EPHA7: variants seen among roughly 807,000 people sequenced by gnomAD.
EPHA7 encodes the protein ephrin type-A receptor 7.
Under a neutral mutation model 112.6 loss-of-function variants are expected in EPHA7, and 25 were observed. That is an observed-to-expected ratio of 0.22 (90% CI 0.16 to 0.31). The LOEUF (loss-of-function observed/expected upper bound fraction) is 0.31. Ranked by LOEUF, EPHA7 falls within the 10% of genes least tolerant of loss-of-function variation. EPHA7 has a pLI of 1.00. For synonymous variants in EPHA7, 437 were observed against 406.5 expected (o/e 1.07, Z -0.90); for missense variants, 962 against 1,212.6 (o/e 0.79, Z 3.07).
intron 5 of EPHA7, among the ~76,000 whole-genome samples, chr6:93,312,438 C>T (rs1314383388): frequency 2.0e-5 from 3 of 151,918 alleles, no homozygotes; most frequent in Non-Finnish European, 4.4e-5. Flanking sequence ...CCTACCCTTG[C>T]TAGCATCTAA....
intron 5 of EPHA7, among the ~76,000 whole-genome samples, chr6:93,347,215 A>G (rs1319704471): frequency 6.6e-6 from 1 of 151,916 alleles, no homozygotes; most frequent in Non-Finnish European, 1.5e-5. Context: ...AGAATTTGAC[A>G]AACTTACCCA....
At chr6:93,377,861 T>A (rs926692669) in intron 3 of EPHA7, among the ~76,000 whole-genome samples, 56 of 152,194 alleles carry the variant, frequency 3.7e-4, no homozygotes, top group African/African-American at 1.4e-3. Flanking sequence ...AGTCATTCGC[T>A]AATTCATTCA....
intron 3 of EPHA7, among the ~76,000 whole-genome samples, chr6:93,405,563 C>T (rs767954609): frequency 6.6e-6 from 1 of 151,026 alleles, no homozygotes; most frequent in Non-Finnish European, 1.5e-5. Context: ...TTGCTATGTC[C>T]CACATGCTAT....
In EPHA7 at chr6:93,282,576, G is replaced by A. The variant is rs1268837623; in HGVS notation, c.1325-10154C>T. Among the ~76,000 whole-genome samples the A allele has an allele frequency of 2.6e-5, 4 of 152,334 alleles. No individual in the cohort carries two copies. The East Asian group carries it at 5.8e-4, about 22-fold the overall frequency. On this transcript the variant is annotated intron_variant, in intron 5 of 16. Transcript: ENST00000369303. ...TTGAGGAGCCCTTCGACCTGCGGCT[G>A]CACTGTGGGAGCCCCTTTTTGGGCT... is the stretch of plus-strand genomic sequence containing the variant.
At chr6:93,359,634 T>C (rs1014913314) in intron 3 of EPHA7, among the ~76,000 whole-genome samples, 5 of 152,082 alleles carry the variant, frequency 3.3e-5, no homozygotes, top group Non-Finnish European at 5.9e-5. Flanking sequence ...CCTAAAGTAC[T>C]GAGATGTCAT....
intron 9 of EPHA7, 144 bp downstream of exon 9, chr6:93,263,716 T>C: frequency 2.0e-6 from 1 of 503,226 alleles, no homozygotes. Flanking sequence ...TCTAAACATC[T>C]GATTCAAATG....
At chr6:93,405,809 G>A (rs377518600) in intron 3 of EPHA7, among the ~76,000 whole-genome samples, 5,043 of 57,632 alleles carry the variant, frequency 0.088, 145 homozygotes, top group East Asian at 0.16. Context: ...GTGTGTGTGT[G>A]TGTGTATATA....
chr6:93,246,576 TA>T (rs1279609501), intron 15 of EPHA7, among the ~76,000 whole-genome samples: 1 of 152,160 alleles, frequency 6.6e-6, no homozygotes, highest in Non-Finnish European at 1.5e-5. Context: ...CTTGTAAGTT[TA>T]AAAAATGCAA....
intron 3 of EPHA7, among the ~76,000 whole-genome samples, chr6:93,360,947 T>C (rs1024343080): frequency 6.6e-6 from 1 of 152,080 alleles, no homozygotes; most frequent in African/African-American, 2.4e-5. Flanking sequence ...GGGCTTTAGC[T>C]ACCCTAAAAC....
chr6:93,270,626 T>C (rs1021007616), intron 6 of EPHA7, among the ~76,000 whole-genome samples: 2 of 151,654 alleles, frequency 1.3e-5, no homozygotes, highest in African/African-American at 2.4e-5. Context: ...AAATTCTTCA[T>C]TGAAATCTTA....
rs534618378 is a variant in EPHA7, at chr6:93,315,334, C to T, written c.1324+41383G>A. On this transcript the variant is annotated intron_variant, in intron 5 of 16. Transcript: ENST00000369303. Reference sequence around the variant, plus strand: ...AAAAACTAGGGTAATTTCTTGTAAGCCATGTGTCAAAGATCTCAAAGATTC... The same window carrying T: ...AAAAACTAGGGTAATTTCTTGTAAGTCATGTGTCAAAGATCTCAAAGATTC... Among the ~76,000 whole-genome samples, 444 of 152,068 alleles carry T rather than the reference C, an allele frequency of 2.9e-3. 1 individual carries two copies. The highest frequency in any genetic ancestry group is 9.6e-3 in the African/African-American group (398 of 41,480).
chr6:93,282,722 C>T (rs756727643), intron 5 of EPHA7, among the ~76,000 whole-genome samples: 135 of 152,236 alleles, frequency 8.9e-4, no homozygotes, highest in Non-Finnish European at 1.2e-3. Context: ...GGCGTGGGCT[C>T]GGCGGGCCCC....
chr6:93,290,797 G>A (rs1027104860), intron 5 of EPHA7, among the ~76,000 whole-genome samples: 2 of 152,098 alleles, frequency 1.3e-5, no homozygotes, highest in Non-Finnish European at 2.9e-5. Flanking sequence ...AGGCTCTTAC[G>A]AATGCCCAGT....
At chr6:93,310,278 A>G (rs1277532886) in intron 5 of EPHA7, among the ~76,000 whole-genome samples, 1 of 152,232 alleles carries the variant, frequency 6.6e-6, no homozygotes, top group East Asian at 1.9e-4. Flanking sequence ...ATACGCACTG[A>G]AAATTAAATA....
chr6:93,395,127 G>T (rs1778104187), intron 3 of EPHA7, among the ~76,000 whole-genome samples: 1 of 151,520 alleles, frequency 6.6e-6, no homozygotes, highest in Non-Finnish European at 1.5e-5. Context: ...TGAAAATCTT[G>T]ATTTAAAGAC....
chr6:93,379,789 A>G (rs1015175799), intron 3 of EPHA7, among the ~76,000 whole-genome samples: 2 of 152,040 alleles, frequency 1.3e-5, no homozygotes, highest in South Asian at 4.1e-4. Context: ...TAAATATAAT[A>G]ACTAAAGACA....
At chr6:93,364,601 C>A (rs914259435) in intron 3 of EPHA7, among the ~76,000 whole-genome samples, 1 of 148,320 alleles carries the variant, frequency 6.7e-6, no homozygotes, top group African/African-American at 2.5e-5. Flanking sequence ...AACAGGCAAA[C>A]ATTAAGAAAA....
chr6:93,380,764 T>C (rs1562140658), intron 3 of EPHA7, among the ~76,000 whole-genome samples: 2 of 152,140 alleles, frequency 1.3e-5, no homozygotes, highest in Non-Finnish European at 2.9e-5. Context: ...TTTCATTCAA[T>C]AGGCCTTTCT....
intron 5 of EPHA7, among the ~76,000 whole-genome samples, chr6:93,308,882 G>C (rs150635855): frequency 7.8e-4 from 118 of 152,110 alleles, no homozygotes; most frequent in African/African-American, 2.6e-3. Context: ...AAGATAGCTA[G>C]CTGACTACCT....
Sources: gnomAD v4.1 joint callset for allele counts (sites outside exome capture counted in the v4.1 genomes callset) on GRCh38, gnomAD v4.1.1 for gene constraint, MANE v1.5 for transcripts, NCBI Gene and HGNC (gene_info 2026-07-23, HGNC 2026-07-21) for gene names.